The following KCNJ3 variants were observed in gnomAD, a reference collection of about 807,000 sequenced individuals.
The protein encoded by KCNJ3 is potassium inwardly rectifying channel subfamily J member 3.
A neutral mutation model predicts 39.2 loss-of-function variants in KCNJ3; 4 were observed. The ratio of observed to expected loss-of-function variants is 0.10; its 90% CI spans 0.05 to 0.23. The LOEUF is 0.23. KCNJ3 is among the 10% of genes least tolerant of loss of function. The probability of loss-of-function intolerance (pLI) is 1.00; values close to 1 mark genes in which losing one functional copy is unlikely to be tolerated. For missense variants in KCNJ3, 276 were observed against 634.9 expected (o/e 0.43, Z 6.08); for synonymous variants, 230 against 237.4 (o/e 0.97, Z 0.29).
intron 2 of KCNJ3, among the ~76,000 whole-genome samples, chr2:154,832,882 G>A (rs569750829): frequency 8.5e-5 from 13 of 152,276 alleles, no homozygotes; most frequent in African/African-American, 3.1e-4. Flanking sequence ...ATATGGAATA[G>A]GTACAACAAA....
chr2:154,704,528 T>A (rs1222588436), intron 1 of KCNJ3, among the ~76,000 whole-genome samples: 2 of 152,216 alleles, frequency 1.3e-5, no homozygotes, highest in African/African-American at 4.8e-5. Flanking sequence ...TTTTGTGGGT[T>A]AATTGGCTCA....
chr2:154,830,745 G>A (rs1285667256), intron 2 of KCNJ3, among the ~76,000 whole-genome samples: 1 of 150,438 alleles, frequency 6.6e-6, no homozygotes, highest in Non-Finnish European at 1.5e-5. Flanking sequence ...CACATGATTA[G>A]ATGAGAATGA....
intron 2 of KCNJ3, among the ~76,000 whole-genome samples, chr2:154,795,665 G>C (rs1445638281): frequency 6.6e-6 from 1 of 151,988 alleles, no homozygotes; most frequent in Admixed American, 6.6e-5. Context: ...GTTTCATGTT[G>C]ATTTGGTAGC....
intron 2 of KCNJ3, among the ~76,000 whole-genome samples, chr2:154,749,763 C>CT (rs927181135): frequency 2.6e-5 from 4 of 151,670 alleles, no homozygotes; most frequent in Non-Finnish European, 5.9e-5. Flanking sequence ...TTTTTCTTTT[C>CT]TTTTTTCTTG....
chr2:154,774,698 G>C (rs535829876), intron 2 of KCNJ3, among the ~76,000 whole-genome samples: 1 of 152,104 alleles, frequency 6.6e-6, no homozygotes, highest in South Asian at 2.1e-4. Flanking sequence ...AAATTCTGAA[G>C]ATATTAGAAA....
chr2:154,761,578 T>A (rs2961958), intron 2 of KCNJ3, among the ~76,000 whole-genome samples: 70,305 of 152,034 alleles, frequency 0.46, 16,307 homozygotes, highest in Non-Finnish European at 0.48. Flanking sequence ...CATCCTAATG[T>A]GTTTTTTAAT....
intron 2 of KCNJ3, among the ~76,000 whole-genome samples, chr2:154,821,635 A>ATTTTTTTTTTTTTTTTT (rs71422263): frequency 1.1e-5 from 1 of 88,072 alleles, no homozygotes; most frequent in Non-Finnish European, 2.1e-5. Flanking sequence ...AGAATATGTG[A>ATTTTTTTTTTTTTTTTT]TTTTTTTTTT....
chr2:154,703,592 TA>T (rs919795184), intron 1 of KCNJ3, among the ~76,000 whole-genome samples: 2 of 151,772 alleles, frequency 1.3e-5, no homozygotes, highest in Admixed American at 6.6e-5. Context: ...GCAGATGCAA[TA>T]AAAAAATGGT....
At chr2:154,796,059 A>C (rs895011189) in intron 2 of KCNJ3, among the ~76,000 whole-genome samples, 1 of 152,062 alleles carries the variant, frequency 6.6e-6, no homozygotes, top group Admixed American at 6.6e-5. Flanking sequence ...TTCTTTAACT[A>C]TCATGTATAT....
At chr2:154,736,374 T>TAAAAAAAAAAAAAAAAAAAAAAAAA (rs70983745) in intron 2 of KCNJ3, among the ~76,000 whole-genome samples, 3 of 93,238 alleles carry the variant, frequency 3.2e-5, no homozygotes, top group African/African-American at 7.8e-5. Flanking sequence ...TCACTAGTTC[T>TAAAAAAAAAAAAAAAAAAAAAAAAA]AAAAAAAAAA....
At chr2:154,715,658 A>G (rs894863401) in intron 2 of KCNJ3, among the ~76,000 whole-genome samples, 17 of 152,228 alleles carry the variant, frequency 1.1e-4, no homozygotes, top group African/African-American at 4.1e-4. Context: ...CACATTTGTG[A>G]GTAAGGTGCT....
intron 2 of KCNJ3, among the ~76,000 whole-genome samples, chr2:154,776,006 T>TG (rs34525727): frequency 4.3e-5 from 2 of 46,556 alleles, no homozygotes; most frequent in African/African-American, 1.9e-4. Flanking sequence ...GAAGTGATTC[T>TG]TTTTTTTTTT....
At chr2:154,762,872 A>G (rs1465284600) in intron 2 of KCNJ3, among the ~76,000 whole-genome samples, 1 of 152,156 alleles carries the variant, frequency 6.6e-6, no homozygotes, top group Non-Finnish European at 1.5e-5. Flanking sequence ...GGGAAGCTTT[A>G]AGCTACTTGG....
intron 2 of KCNJ3, among the ~76,000 whole-genome samples, chr2:154,763,269 A>G (rs1479052325): frequency 6.6e-6 from 1 of 152,188 alleles, no homozygotes; most frequent in African/African-American, 2.4e-5. Flanking sequence ...TGTGCTGTCA[A>G]GAAGAAATAA....
At chr2:154,853,534 T>A (rs1163639245) in intron 2 of KCNJ3, among the ~76,000 whole-genome samples, 1 of 152,034 alleles carries the variant, frequency 6.6e-6, no homozygotes, top group Non-Finnish European at 1.5e-5. Flanking sequence ...TACACTTAAT[T>A]ATTGAGGGGA....
chr2:154,855,933 AT>A lies in KCNJ3; in HGVS notation c.*624del, dbSNP rs151192065. 3 of 152,532 alleles carry A rather than the reference AT, an allele frequency of 2.0e-5. No homozygotes were observed. Among genetic ancestry groups the A allele is most frequent in the Admixed American group, 1.3e-4 (2 of 15,264 alleles). The allele number at this position is 152,532 out of a possible 1,614,324, so 9.4% of individuals were successfully genotyped here. A position where few individuals can be genotyped will look rare whatever the true frequency, so the allele number is the denominator to read the frequency against. ...AATATTTTAGCCTTAAATTTTTGTC[AT>A]TTTAAAATCTGATTTAATGTTTTCT... On this transcript the variant is annotated 3_prime_UTR_variant, in exon 3 of 3. Coordinates refer to ENST00000295101, the MANE Select transcript of KCNJ3 (RefSeq NM_002239.4).
chr2:154,750,103 C>A (rs1574447001), intron 2 of KCNJ3, among the ~76,000 whole-genome samples: 1 of 151,874 alleles, frequency 6.6e-6, no homozygotes, highest in Non-Finnish European at 1.5e-5. Flanking sequence ...TGTTGCATTT[C>A]CAGAAGTTAT....
At chr2:154,724,517 TAA>T (rs1429555293) in intron 2 of KCNJ3, among the ~76,000 whole-genome samples, 3 of 152,082 alleles carry the variant, frequency 2.0e-5, no homozygotes, top group Admixed American at 6.6e-5. Context: ...AAGGTCAGCC[TAA>T]GTTATTAAAC....
At position 154,698,748 on chromosome 2, in the gene KCNJ3, G is replaced by C. The variant is rs751765699; in HGVS notation, c.-28G>C. 6 of 1,479,154 alleles carry C rather than the reference G, an allele frequency of 4.1e-6. No homozygotes were observed. Among genetic ancestry groups the C allele is most frequent in the Admixed American group, 3.7e-5 (2 of 54,502 alleles). 91.6% of individuals were successfully genotyped at this position (1,479,154 alleles called of 1,614,324 possible). A position where few individuals can be genotyped will look rare whatever the true frequency, so the allele number is the denominator to read the frequency against. ...CCCAGCTCCTGCGCCTTCGCTTCGC[G>C]TTTGAATCTGGCTCGCCCCTTCGTA... is the stretch of plus-strand genomic sequence containing the variant. On this transcript the variant is annotated 5_prime_UTR_variant, in exon 1 of 3. Coordinates refer to ENST00000295101, the MANE Select transcript of KCNJ3 (RefSeq NM_002239.4).
Sources: gnomAD v4.1 joint callset for allele counts (sites outside exome capture counted in the v4.1 genomes callset) on GRCh38, gnomAD v4.1.1 for gene constraint, MANE v1.5 for transcripts, NCBI Gene and HGNC (gene_info 2026-07-23, HGNC 2026-07-21) for gene names.